PLCZ1: variants seen among roughly 807,000 people sequenced by gnomAD.
The protein encoded by PLCZ1 is phospholipase C zeta 1.
PLCZ1 carries 64 observed loss-of-function variants against 76.8 expected under a neutral mutation model. The ratio of observed to expected loss-of-function variants is 0.83; its 90% CI spans 0.68 to 1.03. The LOEUF (loss-of-function observed/expected upper bound fraction) is 1.03, where lower values mean the gene tolerates loss of function less well. Among genes scored for constraint, PLCZ1 ranks in the 50% least tolerant of loss-of-function variants. PLCZ1 has a pLI of 0.00. For missense variants in PLCZ1, 751 were observed against 713.7 expected, an observed-to-expected ratio of 1.05 and a Z score of -0.60; for synonymous variants, 248 against 230.8, an observed-to-expected ratio of 1.07 and a Z score of -0.68.
chr12:18,691,162 G>A lies in PLCZ1; in HGVS notation c.1462-2944C>T, dbSNP rs1342981916. ...AGGAATAGAATCAGCAGAATTTAAC[G>A]TTGGTCTGGATGTGGGATGTGAAGG... is the stretch of plus-strand genomic sequence containing the variant. On this transcript the variant is annotated intron_variant, in intron 12 of 14. Coordinates refer to ENST00000266505, the MANE Select transcript of PLCZ1 (RefSeq NM_033123.4). Among the ~76,000 whole-genome samples, 9 of 152,110 alleles carry A rather than the reference G, an allele frequency of 5.9e-5. No individual in the cohort carries two copies. The South Asian group carries it at 1.0e-3, about 18-fold the overall frequency.
intron 10 of PLCZ1, among the ~76,000 whole-genome samples, chr12:18,699,339 C>A (rs1955560761): frequency 6.6e-6 from 1 of 152,204 alleles, no homozygotes; most frequent in Non-Finnish European, 1.5e-5. Context: ...TTTATTACCG[C>A]CTTCCTGCCT....
intron 3 of PLCZ1, among the ~76,000 whole-genome samples, chr12:18,730,372 T>C (rs1958976616): frequency 6.6e-6 from 1 of 152,140 alleles, no homozygotes; most frequent in African/African-American, 2.4e-5. Context: ...TTTTAATGCA[T>C]ACATGGCAAT....
the PLCZ1 span, chr12:18,648,129 G>T: frequency 1.6e-6 from 1 of 618,222 alleles, no homozygotes. Flanking sequence ...GTCAAAGACA[G>T]CACAGGGTAT....
chr12:18,726,986 C>G (rs941722055), intron 3 of PLCZ1, among the ~76,000 whole-genome samples: 2 of 152,054 alleles, frequency 1.3e-5, no homozygotes, highest in African/African-American at 4.8e-5. Context: ...AACATATTGT[C>G]AGTGCCCTCT....
chr12:18,679,254 T>G (rs1392866121), downstream of PLCZ1, among the ~76,000 whole-genome samples: 1 of 152,046 alleles, frequency 6.6e-6, no homozygotes, highest in Non-Finnish European at 1.5e-5. Context: ...CCTTATCATT[T>G]TCATTATGAT....
Position 18,685,732 on chromosome 12 carries a change from C to T in PLCZ1, c.1592-1453G>A, listed in dbSNP as rs1255683622. The T allele has an allele frequency of 1.7e-5, 8 of 476,890 alleles. No individual in the cohort carries two copies. In the East Asian group the frequency reaches 4.0e-4, roughly 24 times the overall value. 29.5% of individuals were successfully genotyped at this position (476,890 alleles called of 1,614,324 possible). A position where few individuals can be genotyped will look rare whatever the true frequency, so the allele number is the denominator to read the frequency against. ...ATTCTTTATAGATACTGCAAAACAT[C>T]TGCAGAAATGTTTATACTGATTTCT... On this transcript the variant is annotated intron_variant, in intron 13 of 14. Transcript: ENST00000266505.
chr12:18,676,606 T>A, the PLCZ1 span, among the ~76,000 whole-genome samples: 1 of 152,158 alleles, frequency 6.6e-6, no homozygotes, highest in Non-Finnish European at 1.5e-5. Flanking sequence ...GACTCTGTTG[T>A]AGACTACAAA....
the PLCZ1 span, among the ~76,000 whole-genome samples, chr12:18,655,023 A>C: frequency 6.7e-6 from 1 of 148,684 alleles, no homozygotes; most frequent in Non-Finnish European, 1.5e-5. Context: ...AACCCAGCCG[A>C]AACAGTCTTA....
intron 10 of PLCZ1, among the ~76,000 whole-genome samples, chr12:18,698,074 C>T (rs1430704733): frequency 1.3e-5 from 2 of 151,800 alleles, no homozygotes; most frequent in African/African-American, 4.8e-5. Context: ...AACATGAGGA[C>T]CTGTCCTCAT....
chr12:18,716,959 TCA>T (rs1958057266), intron 5 of PLCZ1, among the ~76,000 whole-genome samples: 1 of 152,112 alleles, frequency 6.6e-6, no homozygotes, highest in East Asian at 1.9e-4. Flanking sequence ...GTTATATCTG[TCA>T]CAAAATTAAC....
intron 6 of PLCZ1, among the ~76,000 whole-genome samples, chr12:18,707,476 C>A (rs1281478524): frequency 4.6e-5 from 7 of 152,100 alleles, no homozygotes; most frequent in Non-Finnish European, 8.8e-5. Flanking sequence ...TCTTCCCTGG[C>A]CACATTGAAA....
At chr12:18,733,560 CT>C (rs1277344416) in intron 3 of PLCZ1, among the ~76,000 whole-genome samples, 2 of 152,050 alleles carry the variant, frequency 1.3e-5, no homozygotes, top group African/African-American at 2.4e-5. Context: ...TGTCAAAAAG[CT>C]TTTTTCCTAT....
chr12:18,714,932 A>C (rs1236005015), intron 5 of PLCZ1: 1 of 151,860 alleles, frequency 6.6e-6, no homozygotes, highest in Non-Finnish European at 1.5e-5. Context: ...CCCAGCACCA[A>C]GTACTTATAT....
At position 18,730,961 on chromosome 12, in the gene PLCZ1, G is replaced by T. The variant is rs565923587; in HGVS notation, c.135+5260C>A. 3.9e-5 allele frequency: 6 copies of T among 152,202 alleles called. No homozygotes were observed. The South Asian group carries it at 1.2e-3, about 32-fold the overall frequency. 9.4% of individuals were successfully genotyped at this position (152,202 alleles called of 1,614,324 possible). On this transcript the variant is annotated intron_variant, in intron 3 of 14. Coordinates refer to ENST00000266505, the MANE Select transcript of PLCZ1 (RefSeq NM_033123.4). ...TAAAAACTTGTGTTCTTTGAATGTG[G>T]TATTAGCCATGAATCGATTAAAATT...
At chr12:18,707,011 CA>C (rs1176249015) in intron 6 of PLCZ1, among the ~76,000 whole-genome samples, 1 of 152,202 alleles carries the variant, frequency 6.6e-6, no homozygotes, top group Non-Finnish European at 1.5e-5. Context: ...CTTGTGGCCA[CA>C]TCTCTCTAAT....
chr12:18,702,254 A>T (rs1956046157), intron 7 of PLCZ1, among the ~76,000 whole-genome samples: 1 of 151,978 alleles, frequency 6.6e-6, no homozygotes, highest in African/African-American at 2.4e-5. Flanking sequence ...ATTCGTAATA[A>T]AGGCTCTTCA....
At chr12:18,713,286 T>C (rs1008320735) in intron 5 of PLCZ1, among the ~76,000 whole-genome samples, 1 of 152,154 alleles carries the variant, frequency 6.6e-6, no homozygotes, top group African/African-American at 2.4e-5. Context: ...ACCTGCTCCA[T>C]AGTTGTAGCT....
At chr12:18,681,027 C>G (rs114878059), downstream of PLCZ1, among the ~76,000 whole-genome samples, 694 of 152,092 alleles carry the variant, frequency 4.6e-3, 4 homozygotes, top group African/African-American at 0.016. Context: ...ATGTTTTTGC[C>G]GTGCATTCAG....
chr12:18,691,432 T>C (rs780790382), intron 12 of PLCZ1, among the ~76,000 whole-genome samples: 1 of 152,140 alleles, frequency 6.6e-6, no homozygotes, highest in Non-Finnish European at 1.5e-5. Context: ...GTGGTGAAAC[T>C]ATGAATGTTT....
Sources: allele counts gnomAD v4.1 joint callset (sites outside exome capture counted in the v4.1 genomes callset), GRCh38; gene constraint gnomAD v4.1.1; transcripts MANE v1.5; gene names NCBI Gene and HGNC (gene_info 2026-07-23, HGNC 2026-07-21).